The following DPYD variants were observed in gnomAD, a reference collection of about 807,000 sequenced individuals.
The protein encoded by DPYD is dihydropyrimidine dehydrogenase.
DPYD carries 109 observed loss-of-function variants against 116.2 expected under a neutral mutation model. That is an observed-to-expected ratio of 0.94 (90% CI 0.80 to 1.10). DPYD has a LOEUF of 1.10. DPYD is among the 50% of genes least tolerant of loss of function. The pLI is 0.00. For missense variants in DPYD, 1,302 were observed against 1,254.5 expected, an observed-to-expected ratio of 1.04 and a Z score of -0.57; for synonymous variants, 440 against 432.0, an observed-to-expected ratio of 1.02 and a Z score of -0.23.
At chr1:97,531,655 T>C (rs1198393001) in intron 12 of DPYD, among the ~76,000 whole-genome samples, 1 of 152,174 alleles carries the variant, frequency 6.6e-6, no homozygotes, top group Non-Finnish European at 1.5e-5. Context: ...ATTTTCTATT[T>C]CTGTAAAAAT....
chr1:97,259,367 A>C (rs1363690494), intron 18 of DPYD, among the ~76,000 whole-genome samples: 1 of 152,072 alleles, frequency 6.6e-6, no homozygotes, highest in Non-Finnish European at 1.5e-5. Context: ...ACTGGAATTT[A>C]CCGATTAAAA....
chr1:97,903,817 G>A (rs977100814), intron 1 of DPYD, among the ~76,000 whole-genome samples: 1 of 151,884 alleles, frequency 6.6e-6, no homozygotes, highest in African/African-American at 2.4e-5. Context: ...CTAGGCAAAT[G>A]GCCAACAACA....
chr1:97,450,298 A>C (rs963611837), intron 13 of DPYD, 75 bp from the exon 14 acceptor site: 1 of 1,510,230 alleles, frequency 6.6e-7, no homozygotes, highest in Non-Finnish European at 9.0e-7. Flanking sequence ...GCTCATTTCC[A>C]TATGACAATA....
intron 14 of DPYD, among the ~76,000 whole-genome samples, chr1:97,396,561 A>G (rs1673015444): frequency 6.6e-6 from 1 of 152,070 alleles, no homozygotes. Flanking sequence ...ATTAGAGGAA[A>G]GAATGAGTGA....
intron 3 of DPYD, among the ~76,000 whole-genome samples, chr1:97,793,453 A>T (rs6690447): frequency 6.6e-6 from 1 of 152,136 alleles, no homozygotes; most frequent in South Asian, 2.1e-4. Context: ...TAACTAACTG[A>T]TTTCAAGACT....
At chr1:97,275,043 C>T (rs1173004521) in intron 18 of DPYD, among the ~76,000 whole-genome samples, 1 of 151,990 alleles carries the variant, frequency 6.6e-6, no homozygotes, top group Non-Finnish European at 1.5e-5. Flanking sequence ...TCTAAGGTAG[C>T]AGTATGCTTG....
At chr1:97,336,054 T>A (rs544244092) in intron 16 of DPYD, among the ~76,000 whole-genome samples, 2 of 152,308 alleles carry the variant, frequency 1.3e-5, no homozygotes, top group Middle Eastern at 3.4e-3. Flanking sequence ...TTAATAGTTT[T>A]TCCTTATAAA....
intron 16 of DPYD, among the ~76,000 whole-genome samples, chr1:97,365,739 C>T (rs1318297482): frequency 6.6e-6 from 1 of 152,076 alleles, no homozygotes; most frequent in Non-Finnish European, 1.5e-5. Flanking sequence ...GTGATCCTCC[C>T]ACCTCAGTAC....
At chr1:97,369,730 GT>G (rs1470727728) in intron 16 of DPYD, among the ~76,000 whole-genome samples, 1 of 152,156 alleles carries the variant, frequency 6.6e-6, no homozygotes, top group Non-Finnish European at 1.5e-5. Flanking sequence ...AAGCATCAGG[GT>G]TATTGACACC....
intron 8 of DPYD, among the ~76,000 whole-genome samples, chr1:97,663,114 C>A (rs1267084454): frequency 6.6e-6 from 1 of 152,166 alleles, no homozygotes; most frequent in Admixed American, 6.5e-5. Flanking sequence ...GGAGATACTG[C>A]CACTAGCATC....
chr1:97,419,430 C>T (rs528958335), intron 14 of DPYD, among the ~76,000 whole-genome samples: 2 of 152,266 alleles, frequency 1.3e-5, no homozygotes, highest in South Asian at 4.1e-4. Context: ...TACGTAATCA[C>T]TATTATAATA....
intron 13 of DPYD, among the ~76,000 whole-genome samples, chr1:97,463,979 C>A (rs1017642740): frequency 1.2e-4 from 18 of 152,230 alleles, no homozygotes; most frequent in Non-Finnish European, 2.2e-4. Context: ...TGGCTCATGC[C>A]TGTAACACCA....
At chr1:97,777,321 T>C (rs17117159) in intron 3 of DPYD, among the ~76,000 whole-genome samples, 2,929 of 152,330 alleles carry the variant, frequency 0.019, 92 homozygotes, top group African/African-American at 0.067. Flanking sequence ...CATTCACTTA[T>C]GAGCAACTAC....
chr1:97,312,097 T>C lies in DPYD; in HGVS notation c.2059-5800A>G, dbSNP rs58263466. Among the ~76,000 whole-genome samples, 733 of 151,946 alleles carry C rather than the reference T, an allele frequency of 4.8e-3. 12 individuals are homozygous for C. The South Asian group carries it at 0.052, about 11-fold the overall frequency. The stretch of plus-strand genomic sequence containing the variant: ...ATGTGTGTGTGTAGGTATCTGTTTA[T>C]AAATGCATACATATATGTTTCATGT... On this transcript the variant is annotated intron_variant, in intron 16 of 22. Coordinates refer to ENST00000370192, the MANE Select transcript of DPYD (RefSeq NM_000110.4).
At chr1:97,346,510 A>G (rs1669852007) in intron 16 of DPYD, among the ~76,000 whole-genome samples, 1 of 151,862 alleles carries the variant, frequency 6.6e-6, no homozygotes, top group Non-Finnish European at 1.5e-5. Context: ...AGAAATTTTA[A>G]CAAACTTTTA....
intron 14 of DPYD, among the ~76,000 whole-genome samples, chr1:97,448,248 A>T (rs1304176903): frequency 6.6e-6 from 1 of 152,194 alleles, no homozygotes; most frequent in East Asian, 1.9e-4. Context: ...ATTTAAGGAC[A>T]ACATAGGCAA....
intron 6 of DPYD, among the ~76,000 whole-genome samples, chr1:97,696,383 G>C (rs1661307643): frequency 6.6e-6 from 1 of 152,086 alleles, no homozygotes; most frequent in South Asian, 2.1e-4. Context: ...CTGTTGCTTA[G>C]AATAGAGAAA....
intron 3 of DPYD, among the ~76,000 whole-genome samples, chr1:97,746,560 G>C (rs568033201): frequency 6.6e-6 from 1 of 151,938 alleles, no homozygotes; most frequent in East Asian, 1.9e-4. Context: ...TATTTGTTTC[G>C]CTTTCTTACC....
chr1:97,691,219 A>T (rs55685124), intron 7 of DPYD: 2,007 of 153,656 alleles, frequency 0.013, 26 homozygotes, highest in Middle Eastern at 0.044. Context: ...ATTTAACAAA[A>T]TAATAAAAAA....
Sources: gnomAD v4.1 joint callset for allele counts (sites outside exome capture counted in the v4.1 genomes callset) on GRCh38, gnomAD v4.1.1 for gene constraint, MANE v1.5 for transcripts, NCBI Gene and HGNC (gene_info 2026-07-23, HGNC 2026-07-21) for gene names.